The following POLR3G variants were observed in gnomAD, a reference collection of about 807,000 sequenced individuals.
POLR3G encodes DNA-directed RNA polymerase III subunit RPC7.
A neutral mutation model predicts 30.1 loss-of-function variants in POLR3G; 28 were observed. The observed-to-expected ratio is 0.93, with a 90% CI of 0.69 to 1.27. The LOEUF (loss-of-function observed/expected upper bound fraction) is 1.27, where lower values mean the gene tolerates loss of function less well. POLR3G is among the 50% of genes most tolerant of loss of function. The probability of loss-of-function intolerance (pLI) is 0.00; values close to 1 mark genes in which losing one functional copy is unlikely to be tolerated. For synonymous variants in POLR3G, 79 were observed against 82.5 expected, an observed-to-expected ratio of 0.96 and a Z score of 0.23; for missense variants, 254 against 264.6, an observed-to-expected ratio of 0.96 and a Z score of 0.28.
intron 7 of POLR3G, among the ~76,000 whole-genome samples, chr5:90,508,123 A>G (rs1005285653): frequency 1.3e-5 from 2 of 152,182 alleles, no homozygotes; most frequent in Admixed American, 1.3e-4. Flanking sequence ...ATTTTGCTGG[A>G]TAACATGTTT....
rs34374200 is a variant in POLR3G, at chr5:90,502,801, C to CTTTTTTTTTTTTTTTT, written c.438+815_438+816insTTTTTTTTTTTTTTTT. Among the ~76,000 whole-genome samples, 4 of 142,272 alleles carry CTTTTTTTTTTTTTTTT rather than the reference C, an allele frequency of 2.8e-5. 1 individual carries two copies. The highest frequency in any genetic ancestry group is 1.5e-5 in the Non-Finnish European group (1 of 65,576). The allele number at this position is 142,272 out of a possible 152,430, so 93.3% of individuals were successfully genotyped here. A position where few individuals can be genotyped will look rare whatever the true frequency, so the allele number is the denominator to read the frequency against. ...TAAGTCTGTGTAGAGTTACCTCATC[C>CTTTTTTTTTTTTTTTT]TTCTTTTTTTTTTTTTGGCTGCACT... On this transcript the variant is annotated intron_variant, in intron 6 of 7. Transcript: ENST00000651687.
rs1268086357 is a variant in POLR3G at position 90,504,795 on chromosome 5, G to A, written c.439-1733G>A. 3.9e-5 allele frequency among the ~76,000 whole-genome samples: 6 copies of A among 152,120 alleles called. No homozygotes were observed. The East Asian group carries it at 1.2e-3, about 29-fold the overall frequency. ...TTAACATACCATCAAATATGTGTGT[G>A]TATATCTTATTATAGATGCTGCAAA... On this transcript the variant is annotated intron_variant, in intron 6 of 7. Transcript: ENST00000651687.
chr5:90,478,475 G>C (rs1750948101), intron 1 of POLR3G, among the ~76,000 whole-genome samples: 1 of 149,388 alleles, frequency 6.7e-6, no homozygotes, highest in Non-Finnish European at 1.5e-5. Flanking sequence ...TCCTGCTTTT[G>C]TTAGGAATTA....
chr5:90,491,663 A>G (rs1199386137), intron 3 of POLR3G, among the ~76,000 whole-genome samples: 1 of 152,176 alleles, frequency 6.6e-6, no homozygotes, highest in Non-Finnish European at 1.5e-5. Context: ...ATAGAATACC[A>G]TATCAGCCCA....
intron 7 of POLR3G, among the ~76,000 whole-genome samples, chr5:90,508,543 C>A (rs1289665433): frequency 6.6e-6 from 1 of 151,950 alleles, no homozygotes; most frequent in Non-Finnish European, 1.5e-5. Context: ...TCCCTCATGC[C>A]ATCTCTTGAA....
At chr5:90,502,386 T>G in intron 6 of POLR3G, 2 of 905,240 alleles carry the variant, frequency 2.2e-6, no homozygotes, top group Non-Finnish European at 2.6e-6. Flanking sequence ...GCTTTTTTTT[T>G]GGTCTTAAGT....
chr5:90,479,789 G>C (rs547210621), intron 1 of POLR3G, among the ~76,000 whole-genome samples: 3 of 152,274 alleles, frequency 2.0e-5, no homozygotes, highest in African/African-American at 7.2e-5. Context: ...ACTATAGTGA[G>C]TCAGGAGAAT....
At chr5:90,484,527 A>T (rs1044024870) in intron 1 of POLR3G, among the ~76,000 whole-genome samples, 4 of 152,204 alleles carry the variant, frequency 2.6e-5, no homozygotes, top group African/African-American at 9.6e-5. Context: ...TTCACCATTA[A>T]TGTGGTAGAC....
chr5:90,485,229 A>G (rs1241521155), intron 1 of POLR3G, among the ~76,000 whole-genome samples: 3 of 152,102 alleles, frequency 2.0e-5, no homozygotes, highest in Non-Finnish European at 4.4e-5. Context: ...TCCACTTTTT[A>G]TGTACATTAC....
chr5:90,510,746 C>T (rs939437793), intron 7 of POLR3G, among the ~76,000 whole-genome samples: 4 of 151,730 alleles, frequency 2.6e-5, no homozygotes, highest in African/African-American at 9.7e-5. Flanking sequence ...AATGCAGAAA[C>T]TTAAAGTATC....
At chr5:90,493,676 ATTTTTTTTTTTTTTTTTTTTTTTTTTTT>A (rs70999488) in intron 3 of POLR3G, among the ~76,000 whole-genome samples, 60 of 51,466 alleles carry the variant, frequency 1.2e-3, no homozygotes, top group East Asian at 1.9e-3. Context: ...CCACTATTTA[ATTTTTTTTTTTTTTTTTTTTTTTTTTTT>A]TTTTTTTTTT....
chr5:90,503,419 G>A (rs116764901), intron 6 of POLR3G, among the ~76,000 whole-genome samples: 2,762 of 152,264 alleles, frequency 0.018, 51 homozygotes, highest in Non-Finnish European at 0.026. Flanking sequence ...TAACTATGGC[G>A]GAATGATGGG....
At chr5:90,485,796 G>A in intron 2 of POLR3G, 112 bp downstream of exon 2, 1 of 682,366 alleles carries the variant, frequency 1.5e-6, no homozygotes, top group South Asian at 2.3e-5. Flanking sequence ...GTATAAGAAA[G>A]TAAAGGAGAG....
rs753455193 is a variant in POLR3G, at chr5:90,495,713, A to G, written c.284A>G (p.Tyr95Cys). The G allele has an allele frequency of 6.3e-7, 1 of 1,599,132 alleles. No homozygotes were observed. The highest frequency in any genetic ancestry group is 1.1e-5 in the South Asian group (1 of 87,420). Residue 95 changes from tyrosine (Y) to cysteine (C), a missense_variant, in exon 4 of 8, where the codon TAC becomes TGC. Coordinates refer to ENST00000651687, the MANE Select transcript of POLR3G (RefSeq NM_006467.3). Reference sequence around the variant, plus strand: ...TATAGTAAAAGATACATGAAGGTATACAAGGAAGAATGGATACCAGGTAAC... The same window carrying G: ...TATAGTAAAAGATACATGAAGGTATGCAAGGAAGAATGGATACCAGGTAAC... The part of the protein sequence containing the change: ...ERYSKRYMKV[Y>C]KEEWIPDWRR...
chr5:90,498,327 A>G, intron 5 of POLR3G, among the ~76,000 whole-genome samples: 1 of 152,006 alleles, frequency 6.6e-6, no homozygotes, highest in East Asian at 1.9e-4. Flanking sequence ...TATTTTAGAT[A>G]CAGGGGTACA....
chr5:90,501,234 A>G (rs1170399621), intron 5 of POLR3G, among the ~76,000 whole-genome samples: 1 of 152,216 alleles, frequency 6.6e-6, no homozygotes, highest in Non-Finnish European at 1.5e-5. Flanking sequence ...GCACATATAT[A>G]TTTAAGGCAG....
intron 7 of POLR3G, among the ~76,000 whole-genome samples, chr5:90,510,831 A>G (rs1252555048): frequency 2.0e-5 from 3 of 152,018 alleles, no homozygotes; most frequent in African/African-American, 4.8e-5. Context: ...CCTTTCTTGC[A>G]TTATGTAAAT....
chr5:90,495,354 A>T (rs947248901), intron 3 of POLR3G, among the ~76,000 whole-genome samples: 2 of 152,126 alleles, frequency 1.3e-5, no homozygotes, highest in Admixed American at 1.3e-4. Flanking sequence ...GTTTCTTGTG[A>T]TAAGGTGGAC....
Position 90,512,164 on chromosome 5 carries a change from T to G in POLR3G, c.*25T>G, listed in dbSNP as rs765741099. On this transcript the variant is annotated 3_prime_UTR_variant, in exon 8 of 8. Transcript: ENST00000651687. Reference sequence around the variant, plus strand: ...GGCATGAAATTTTTCAAAAAATATTTTTATGATGCAGCTTCTGAACATTTG... The same window carrying G: ...GGCATGAAATTTTTCAAAAAATATTGTTATGATGCAGCTTCTGAACATTTG... The G allele has an allele frequency of 1.5e-6, 2 of 1,371,602 alleles. No homozygotes were observed. Among genetic ancestry groups the G allele is most frequent in the African/African-American group, 2.9e-5 (2 of 69,928 alleles). The allele number at this position is 1,371,602 out of a possible 1,614,324, so 85.0% of individuals were successfully genotyped here. A position where few individuals can be genotyped will look rare whatever the true frequency, so the allele number is the denominator to read the frequency against.
Sources: gnomAD v4.1 joint callset for allele counts (sites outside exome capture counted in the v4.1 genomes callset) on GRCh38, gnomAD v4.1.1 for gene constraint, MANE v1.5 for transcripts, NCBI Gene and HGNC (gene_info 2026-07-23, HGNC 2026-07-21) for gene names.